The following OPHN1 variants were observed in gnomAD, a reference collection of about 807,000 sequenced individuals.
OPHN1 encodes the protein oligophrenin-1.
In OPHN1, 11 loss-of-function variants were observed where a neutral mutation model predicts 60.7. The observed-to-expected ratio is 0.18, with a 90% CI of 0.11 to 0.30. The LOEUF is 0.30. OPHN1 is among the 10% of genes least tolerant of loss of function. The probability of loss-of-function intolerance (pLI) is 1.00; values close to 1 mark genes in which losing one functional copy is unlikely to be tolerated. For synonymous variants in OPHN1, 226 were observed against 222.6 expected (o/e 1.02, Z -0.14); for missense variants, 449 against 611.0 (o/e 0.73, Z 2.80).
At chrX:68,348,883 C>A (rs2078391946) in intron 2 of OPHN1, among the ~76,000 whole-genome samples, 1 of 111,135 alleles carries the variant, frequency 9.0e-6, no homozygotes, top group Non-Finnish European at 1.9e-5. Context: ...GACAAGGAAT[C>A]CAAAAGGAAA....
Position 68,331,550 on chromosome X carries a change from G to A in OPHN1, c.155-32454C>T, listed in dbSNP as rs190275873. 2.0e-3 allele frequency among the ~76,000 whole-genome samples: 220 copies of A among 107,673 alleles called. 1 individual carries two copies. The East Asian group carries it at 0.057, about 28-fold the overall frequency. 93.5% of individuals were successfully genotyped at this position (107,673 alleles called of 115,157 possible). On this transcript the variant is annotated intron_variant, in intron 2 of 24. Coordinates refer to ENST00000355520, the MANE Select transcript of OPHN1 (RefSeq NM_002547.3). ...AGTTCGAGACCAGCCTGGCCAATAC[G>A]GTGTAACCCAGTCTCTACTAAAAAA...
chrX:68,068,724 C>T (rs1011982722), intron 20 of OPHN1, among the ~76,000 whole-genome samples: 3 of 111,662 alleles, frequency 2.7e-5, no homozygotes, highest in Non-Finnish European at 3.8e-5. Flanking sequence ...TGTGCTACAT[C>T]TATACAAAGG....
At chrX:68,091,843 A>G (rs2077019638) in intron 19 of OPHN1, among the ~76,000 whole-genome samples, 1 of 111,617 alleles carries the variant, frequency 9.0e-6, no homozygotes, top group Non-Finnish European at 1.9e-5. Context: ...GCACCCTGAT[A>G]CATACTGCTA....
chrX:68,292,777 A>C (rs937814727), intron 3 of OPHN1, among the ~76,000 whole-genome samples: 4 of 111,324 alleles, frequency 3.6e-5, no homozygotes, highest in Non-Finnish European at 5.6e-5. Context: ...ATTACCTTGT[A>C]TTTTCTCTTT....
At chrX:68,284,916 AT>A (rs1479868405) in intron 3 of OPHN1, among the ~76,000 whole-genome samples, 1 of 111,994 alleles carries the variant, frequency 8.9e-6, no homozygotes, top group Non-Finnish European at 1.9e-5. Flanking sequence ...CAAATACTGT[AT>A]TTTTCTATCC....
rs1358922442 is a variant in OPHN1 at position 68,096,963 on chromosome X, G to C, written c.1593C>G (p.Thr531=). The C allele has an allele frequency of 2.5e-6, 3 of 1,210,210 alleles. No homozygotes were observed. Among genetic ancestry groups the C allele is most frequent in the Non-Finnish European group, 1.1e-6 (1 of 894,579 alleles). Reference sequence around the variant, plus strand: ...CAGTGTCCTCCTGAGCTCTCATCAGGGTGGGCCCAAAGATTACTCCCATGT... The same window carrying C: ...CAGTGTCCTCCTGAGCTCTCATCAGCGTGGGCCCAAAGATTACTCCCATGT... ...PSNMGVIFGP[T]LMRAQEDTVA... Residue 531 remains threonine, a synonymous_variant, in exon 19 of 25, where the codon ACC becomes ACG. Coordinates refer to ENST00000355520, the MANE Select transcript of OPHN1 (RefSeq NM_002547.3).
intron 2 of OPHN1, among the ~76,000 whole-genome samples, chrX:68,376,187 A>C (rs2078555912): frequency 8.9e-6 from 1 of 111,857 alleles, no homozygotes; most frequent in Admixed American, 9.6e-5. Flanking sequence ...CCAGGGACCC[A>C]GAGACAGACA....
chrX:68,278,037 C>T (rs1275196638), intron 4 of OPHN1, among the ~76,000 whole-genome samples: 3 of 111,700 alleles, frequency 2.7e-5, no homozygotes, highest in Non-Finnish European at 5.6e-5. Flanking sequence ...AGGCCACTGA[C>T]TTTTACATGT....
At chrX:68,212,565 A>G (rs1228346939) in intron 7 of OPHN1, among the ~76,000 whole-genome samples, 2 of 111,777 alleles carry the variant, frequency 1.8e-5, no homozygotes, top group Non-Finnish European at 3.8e-5. Context: ...AGCCTGGGAC[A>G]GAGTGAGACT....
At chrX:68,091,791 C>G (rs1409780990) in intron 19 of OPHN1, among the ~76,000 whole-genome samples, 1 of 111,025 alleles carries the variant, frequency 9.0e-6, no homozygotes, top group Non-Finnish European at 1.9e-5. Context: ...CTCTGTCAGT[C>G]CAAATTACCT....
intron 15 of OPHN1, among the ~76,000 whole-genome samples, chrX:68,130,502 G>A (rs970066684): frequency 2.7e-5 from 3 of 110,944 alleles, no homozygotes; most frequent in African/African-American, 3.3e-5. Flanking sequence ...TACTAAAGAG[G>A]GAAATTATTG....
Position 68,393,881 on chromosome X carries a change from C to CTTTTT in OPHN1, c.154+38985_154+38986insAAAAA, listed in dbSNP as rs757567783. Among the ~76,000 whole-genome samples the CTTTTT allele has an allele frequency of 6.0e-3, 153 of 25,385 alleles. 1 individual carries two copies. Among genetic ancestry groups the CTTTTT allele is most frequent in the South Asian group, 0.02 (4 of 200 alleles). The allele number at this position is 25,385 out of a possible 115,157, so 22.0% of individuals were successfully genotyped here. A position where few individuals can be genotyped will look rare whatever the true frequency, so the allele number is the denominator to read the frequency against. On this transcript the variant is annotated intron_variant, in intron 2 of 24. Transcript: ENST00000355520. ...ATGGCTATCAAGGTGATCCAATAGA[C>CTTTTT]TTTGTTTTTTTTTTTTTTTTTTTTT...
At chrX:68,178,403 C>T (rs921900980) in intron 15 of OPHN1, among the ~76,000 whole-genome samples, 1 of 111,447 alleles carries the variant, frequency 9.0e-6, no homozygotes, top group African/African-American at 3.3e-5. Context: ...ATATTTGAAT[C>T]TACTTTTGTG....
chrX:68,227,451 T>C (rs890764081), intron 6 of OPHN1, among the ~76,000 whole-genome samples: 4 of 111,232 alleles, frequency 3.6e-5, no homozygotes, highest in African/African-American at 1.3e-4. Flanking sequence ...CAACAGAATA[T>C]ACATTGTTCT....
At chrX:68,301,169 G>A (rs1325861646) in intron 2 of OPHN1, among the ~76,000 whole-genome samples, 2 of 111,592 alleles carry the variant, frequency 1.8e-5, no homozygotes, top group African/African-American at 3.3e-5. Flanking sequence ...CAAGCAGCCG[G>A]GTGTGGTGGC....
At chrX:68,227,229 C>T (rs1412922942) in intron 6 of OPHN1, among the ~76,000 whole-genome samples, 1 of 111,322 alleles carries the variant, frequency 9.0e-6, no homozygotes, top group African/African-American at 3.3e-5. Flanking sequence ...TATATGCACC[C>T]AATACAGGAG....
intron 2 of OPHN1, among the ~76,000 whole-genome samples, chrX:68,411,150 T>TC (rs398122077): frequency 5.4e-5 from 6 of 111,087 alleles, no homozygotes; most frequent in Non-Finnish European, 1.1e-4. Flanking sequence ...TTTATTTTTT[T>TC]AACTTTTATT....
At chrX:68,205,485 A>G (rs1390384561) in intron 10 of OPHN1, among the ~76,000 whole-genome samples, 2 of 111,348 alleles carry the variant, frequency 1.8e-5, no homozygotes, top group Non-Finnish European at 3.8e-5. Flanking sequence ...ATAATAAAGC[A>G]TAGCCGAGGA....
At chrX:68,234,682 G>A in intron 5 of OPHN1, 94 bp from the exon 6 acceptor site, 1 of 697,914 alleles carries the variant, frequency 1.4e-6, no homozygotes, top group Non-Finnish European at 2.3e-6. Context: ...TCAGGTTTCA[G>A]GTGGTCAATC....
Sources: allele counts gnomAD v4.1 joint callset (sites outside exome capture counted in the v4.1 genomes callset), GRCh38; gene constraint gnomAD v4.1.1; transcripts MANE v1.5; gene names NCBI Gene and HGNC (gene_info 2026-07-23, HGNC 2026-07-21).